The following CLYBL variants were observed in gnomAD, a reference collection of about 807,000 sequenced individuals.
CLYBL encodes citramalyl-CoA lyase, mitochondrial.
In CLYBL, 31 loss-of-function variants were observed where a neutral mutation model predicts 38.9. The observed-to-expected ratio is 0.80, with a 90% confidence interval of 0.60 to 1.08. The LOEUF is 1.08. Among genes scored for constraint, CLYBL ranks in the 50% least tolerant of loss-of-function variants. CLYBL has a pLI of 0.00. For synonymous variants in CLYBL, 171 were observed against 158.6 expected, an observed-to-expected ratio of 1.08 and a Z score of -0.59; for missense variants, 434 against 411.6, an observed-to-expected ratio of 1.05 and a Z score of -0.47.
chr13:99,733,766 G>A lies in CLYBL; in HGVS notation c.63-39058G>A, dbSNP rs114272687. Among the ~76,000 whole-genome samples, 1,310 of 152,290 alleles carry A rather than the reference G, an allele frequency of 8.6e-3. 17 individuals are homozygous for A. The highest frequency in any genetic ancestry group is 0.03 in the African/African-American group (1,234 of 41,552). On this transcript the variant is annotated intron_variant, in intron 1 of 8. Coordinates refer to ENST00000339105, the MANE Select transcript of CLYBL (RefSeq NM_206808.5). Reference sequence around the variant, plus strand: ...CTAAACTGGAGTTTAATTCACAATGGCAAGGACGCTTCACCTAGAATATCT... The same window carrying A: ...CTAAACTGGAGTTTAATTCACAATGACAAGGACGCTTCACCTAGAATATCT...
intron 2 of CLYBL, among the ~76,000 whole-genome samples, chr13:99,796,198 G>A (rs1201146202): frequency 6.6e-6 from 1 of 152,200 alleles, no homozygotes; most frequent in Non-Finnish European, 1.5e-5. Context: ...TGATTGGGCT[G>A]CTTCACTGGA....
chr13:99,769,212 G>A (rs1324125579), intron 1 of CLYBL, among the ~76,000 whole-genome samples: 1 of 152,220 alleles, frequency 6.6e-6, no homozygotes, highest in Non-Finnish European at 1.5e-5. Context: ...TGACTGAGAG[G>A]TGGGGGATGG....
intron 2 of CLYBL, among the ~76,000 whole-genome samples, chr13:99,825,469 C>G (rs34276188): frequency 0.013 from 1,964 of 152,182 alleles, 55 homozygotes; most frequent in East Asian, 0.071. Flanking sequence ...CACTTTTGTT[C>G]CAGGTAGTTT....
At chr13:99,657,666 T>G (rs2047348173) in intron 1 of CLYBL, among the ~76,000 whole-genome samples, 1 of 152,128 alleles carries the variant, frequency 6.6e-6, no homozygotes. Flanking sequence ...AAGATTAAGG[T>G]AAAGTTCTAA....
chr13:99,843,903 A>G (rs898864320), intron 2 of CLYBL, among the ~76,000 whole-genome samples: 1 of 152,214 alleles, frequency 6.6e-6, no homozygotes, highest in African/African-American at 2.4e-5. Context: ...TGCCTGGCCA[A>G]AAAATTAAAT....
At chr13:99,777,422 C>T (rs932539916) in intron 2 of CLYBL, among the ~76,000 whole-genome samples, 1 of 152,126 alleles carries the variant, frequency 6.6e-6, no homozygotes, top group Non-Finnish European at 1.5e-5. Context: ...CTCATTGCTA[C>T]CACCTCTTTG....
rs1162079530 is a variant in CLYBL at position 99,743,966 on chromosome 13, CTTTTTTTTTTTTT to C, written c.63-28846_63-28834del. 1.7e-4 allele frequency among the ~76,000 whole-genome samples: 12 copies of C among 69,176 alleles called. 1 individual carries two copies. In the South Asian group the frequency reaches 2.9e-3, roughly 17 times the overall value. 45.4% of individuals were successfully genotyped at this position (69,176 alleles called of 152,430 possible). ...CACTTTCTTTTTTTTTCTCTTCTTTCTTTTTTTTTTTTTTTTTTTTTTTTGAGACGGAGTTTCG... is the reference window on the plus strand; with the variant it reads ...CACTTTCTTTTTTTTTCTCTTCTTTCTTTTTTTTTTTGAGACGGAGTTTCG... On this transcript the variant is annotated intron_variant, in intron 1 of 8. Coordinates refer to ENST00000339105, the MANE Select transcript of CLYBL (RefSeq NM_206808.5).
intron 2 of CLYBL, among the ~76,000 whole-genome samples, chr13:99,856,946 A>T (rs1017491605): frequency 6.6e-6 from 1 of 151,894 alleles, no homozygotes; most frequent in South Asian, 2.1e-4. Context: ...CCAGAGCTCA[A>T]GTATTTCTCC....
intron 1 of CLYBL, among the ~76,000 whole-genome samples, chr13:99,688,115 T>A (rs1317831062): frequency 6.6e-6 from 1 of 152,230 alleles, no homozygotes; most frequent in African/African-American, 2.4e-5. Context: ...TTAGAGTTGC[T>A]TTAAAGTAAA....
At chr13:99,906,401 G>A (rs1566375073) in intron 9 of CLYBL, among the ~76,000 whole-genome samples, 1 of 150,972 alleles carries the variant, frequency 6.6e-6, no homozygotes, top group Non-Finnish European at 1.5e-5. Flanking sequence ...AATTTGAATG[G>A]GAACTGAAGG....
chr13:99,721,337 C>T (rs1290530567), intron 1 of CLYBL, among the ~76,000 whole-genome samples: 1 of 152,084 alleles, frequency 6.6e-6, no homozygotes, highest in Non-Finnish European at 1.5e-5. Flanking sequence ...AGCCATGACT[C>T]CCGGCCCCTA....
At chr13:99,703,384 T>C (rs997530697) in intron 1 of CLYBL, among the ~76,000 whole-genome samples, 1 of 152,200 alleles carries the variant, frequency 6.6e-6, no homozygotes, top group Non-Finnish European at 1.5e-5. Context: ...GCTTGGTTTT[T>C]TTTTGAGATG....
chr13:99,846,448 A>G (rs1025588152), intron 2 of CLYBL, among the ~76,000 whole-genome samples: 1 of 152,146 alleles, frequency 6.6e-6, no homozygotes, highest in Non-Finnish European at 1.5e-5. Flanking sequence ...GTTTGTGAAA[A>G]TAATGATGCA....
At chr13:99,747,198 G>GCTCCT (rs2048866292) in intron 1 of CLYBL, among the ~76,000 whole-genome samples, 1 of 151,362 alleles carries the variant, frequency 6.6e-6, no homozygotes, top group African/African-American at 2.4e-5. Flanking sequence ...AAAACAAAAA[G>GCTCCT]CTCCTCTCCT....
chr13:99,729,300 T>G (rs2048539121), intron 1 of CLYBL, among the ~76,000 whole-genome samples: 1 of 152,264 alleles, frequency 6.6e-6, no homozygotes, highest in African/African-American at 2.4e-5. Flanking sequence ...ACATGTGATC[T>G]TAGCCAAAAG....
intron 1 of CLYBL, among the ~76,000 whole-genome samples, chr13:99,742,099 G>C (rs1303578925): frequency 6.6e-6 from 1 of 152,214 alleles, no homozygotes; most frequent in Non-Finnish European, 1.5e-5. Flanking sequence ...ACACGTGCTA[G>C]TTTTCAGCTG....
chr13:99,709,308 C>G (rs959013325), intron 1 of CLYBL, among the ~76,000 whole-genome samples: 1 of 152,184 alleles, frequency 6.6e-6, no homozygotes, highest in Non-Finnish European at 1.5e-5. Context: ...GACTTCCAGC[C>G]TCCACAGCTG....
chr13:99,840,270 C>T (rs1321266457), intron 2 of CLYBL, among the ~76,000 whole-genome samples: 1 of 150,116 alleles, frequency 6.7e-6, no homozygotes, highest in Non-Finnish European at 1.5e-5. Flanking sequence ...AAAAAAATCA[C>T]TATATACAAT....
intron 2 of CLYBL, among the ~76,000 whole-genome samples, chr13:99,819,776 C>T (rs992332004): frequency 1.3e-5 from 2 of 151,948 alleles, no homozygotes; most frequent in Non-Finnish European, 2.9e-5. Context: ...ATTCTACTCA[C>T]CTTTTTATTC....
Sources: allele counts gnomAD v4.1 joint callset (sites outside exome capture counted in the v4.1 genomes callset), GRCh38; gene constraint gnomAD v4.1.1; transcripts MANE v1.5; gene names NCBI Gene and HGNC (gene_info 2026-07-23, HGNC 2026-07-21).